The following CFAP251 variants were observed in gnomAD, a reference collection of about 807,000 sequenced individuals.
The protein encoded by CFAP251 is cilia and flagella associated protein 251.
Under a neutral mutation model 126.7 loss-of-function variants are expected in CFAP251, and 93 were observed. The ratio of observed to expected loss-of-function variants is 0.73; its 90% confidence interval spans 0.62 to 0.87. CFAP251 has a LOEUF of 0.87. Among genes scored for constraint, CFAP251 ranks in the 40% least tolerant of loss-of-function variants. The pLI is 0.00. For missense variants in CFAP251, 1,287 were observed against 1,389.2 expected, an observed-to-expected ratio of 0.93 and a Z score of 1.17; for synonymous variants, 503 against 506.9, an observed-to-expected ratio of 0.99 and a Z score of 0.10.
intron 6 of CFAP251, 83 bp from the exon 7 acceptor site, chr12:121,942,812 T>G: frequency 6.7e-7 from 1 of 1,492,268 alleles, no homozygotes; most frequent in African/African-American, 1.4e-5. Context: ...TACTTGAAGT[T>G]TTGGGGTCAC....
rs754568191 is a variant in CFAP251 at position 121,989,200 on chromosome 12, C to T, written c.3007-10516C>T. Reference sequence around the variant, plus strand: ...TCAGCTAGGACTGTCTCTTTCAGACCTTTGAAAACATTCACTGGGAAGGGA... The same window carrying T: ...TCAGCTAGGACTGTCTCTTTCAGACTTTTGAAAACATTCACTGGGAAGGGA... On this transcript the variant is annotated intron_variant, in intron 19 of 21. Coordinates refer to ENST00000288912, the MANE Select transcript of CFAP251 (RefSeq NM_144668.6). This position sits in a 1 kb window ranked among gnomAD's most constrained non-coding sequence, Gnocchi z 4.2. Among the ~76,000 whole-genome samples the T allele has an allele frequency of 3.3e-5, 5 of 152,176 alleles. No homozygotes were observed. Among genetic ancestry groups the T allele is most frequent in the African/African-American group, 4.8e-5 (2 of 41,420 alleles).
intron 5 of CFAP251, among the ~76,000 whole-genome samples, chr12:121,942,014 C>T (rs1296100048): frequency 6.6e-6 from 1 of 152,168 alleles, no homozygotes; most frequent in Non-Finnish European, 1.5e-5. Context: ...GTGCCTGGTA[C>T]CTAGTGAATG....
chr12:121,975,371 C>T (rs776262610), intron 18 of CFAP251, 37 bp downstream of exon 18: 18 of 1,597,944 alleles, frequency 1.1e-5, no homozygotes, highest in Non-Finnish European at 1.5e-5. Flanking sequence ...CTGGTAACAT[C>T]TAGTTAAGTT....
chr12:121,972,014 T>C (rs1198779950), intron 17 of CFAP251: 2 of 236,710 alleles, frequency 8.4e-6, no homozygotes, highest in Non-Finnish European at 1.7e-5. Flanking sequence ...CCGCCATGAT[T>C]GTGAGGCCTC....
intron 3 of CFAP251, among the ~76,000 whole-genome samples, chr12:121,924,765 C>T (rs144724065): frequency 8.5e-5 from 13 of 152,252 alleles, no homozygotes; most frequent in African/African-American, 2.9e-4. Context: ...TTAAGAGCTC[C>T]GACTGGAACA....
rs71082926 is a variant in CFAP251 at position 121,998,432 on chromosome 12, AATATATAT to A, written c.3007-1235_3007-1228del. 6.9e-3 allele frequency: 583 copies of A among 84,912 alleles called. 4 individuals carry two copies. The highest frequency in any genetic ancestry group is 8.4e-3 in the Non-Finnish European group (340 of 40,650). 5.3% of individuals were successfully genotyped at this position (84,912 alleles called of 1,614,324 possible). On this transcript the variant is annotated intron_variant, in intron 19 of 21. Transcript: ENST00000288912. ...TACCAGTTCTAATAGTTTTTAGTGT[AATATATAT>A]ATATATATATATATATATATATATA...
intron 17 of CFAP251, chr12:121,969,409 G>T: frequency 1.0e-6 from 1 of 985,340 alleles, no homozygotes; most frequent in South Asian, 4.7e-5. Flanking sequence ...TGGCTGCCTG[G>T]TTCCTTGCTC....
At chr12:121,948,651 T>C (rs1220383288) in intron 7 of CFAP251, 2 of 172,998 alleles carry the variant, frequency 1.2e-5, no homozygotes, top group African/African-American at 2.4e-5. Context: ...ACCCAGGAGA[T>C]AGAGGCTGCA....
chr12:122,003,630 GTTCTT>G lies in CFAP251; in HGVS notation c.3338-16_3338-12del. 1 of 1,582,192 alleles carries G rather than the reference GTTCTT, an allele frequency of 6.3e-7. No individual in the cohort carries two copies. The highest frequency in any genetic ancestry group is 8.7e-7 in the Non-Finnish European group (1 of 1,154,900). ...CATAATCATCATGAAGGCATTTGGT[GTTCTT>G]TTCTTGTTTTGGCTAGGTTCAGAAA... On this transcript the variant is annotated splice_polypyrimidine_tract_variant and intron_variant, in intron 21 of 21. Coordinates refer to ENST00000288912, the MANE Select transcript of CFAP251 (RefSeq NM_144668.6).
Position 121,942,934 on chromosome 12 carries a change from C to A in CFAP251, c.1150C>A (p.Pro384Thr), listed in dbSNP as rs1881182738. ...IWKWTLAVET[P>T]ACTLELPTEY... ...GAAGTGGACTTTGGCAGTGGAAACG[C>A]CAGCATGCACTCTCGAACTCCCCAC... is the stretch of plus-strand genomic sequence containing the variant. Residue 384 changes from proline to threonine, a missense_variant, in exon 7 of 22, where the codon CCA (proline) becomes ACA (threonine). Transcript: ENST00000288912. 1 of 1,614,202 alleles carries A rather than the reference C, an allele frequency of 6.2e-7. No homozygotes were observed. Among genetic ancestry groups the A allele is most frequent in the Non-Finnish European group, 8.5e-7 (1 of 1,180,040 alleles).
At chr12:121,919,785 A>T (rs925359461) in intron 1 of CFAP251, among the ~76,000 whole-genome samples, 1 of 152,164 alleles carries the variant, frequency 6.6e-6, no homozygotes, top group African/African-American at 2.4e-5. Flanking sequence ...TGGGAATATA[A>T]ATATATTTTA....
intron 5 of CFAP251, among the ~76,000 whole-genome samples, chr12:121,935,072 G>A (rs1880838670): frequency 6.6e-6 from 1 of 152,096 alleles, no homozygotes; most frequent in Non-Finnish European, 1.5e-5. Context: ...AAAGCACTGG[G>A]ATTATAGGCA....
chr12:121,939,955 G>A (rs979558248), intron 5 of CFAP251, among the ~76,000 whole-genome samples: 4 of 152,062 alleles, frequency 2.6e-5, no homozygotes, highest in South Asian at 2.1e-4. Flanking sequence ...GTTTCTTTAC[G>A]TTTTTTAGTA....
chr12:121,932,725 A>T (rs985412770), intron 4 of CFAP251: 1 of 152,246 alleles, frequency 6.6e-6, no homozygotes, highest in African/African-American at 2.4e-5. Flanking sequence ...CCCAGTCAGT[A>T]CTCAGTGTTG....
chr12:121,925,115 A>G (rs540183989), intron 3 of CFAP251, among the ~76,000 whole-genome samples: 1 of 151,778 alleles, frequency 6.6e-6, no homozygotes, highest in East Asian at 1.9e-4. Context: ...CTTTATCTTT[A>G]CATGACCCCA....
chr12:121,959,156 G>A, intron 13 of CFAP251, 62 bp downstream of exon 13: 1 of 1,487,608 alleles, frequency 6.7e-7, no homozygotes, highest in South Asian at 1.4e-5. Context: ...ACCAAAAGAG[G>A]CCAGACATAG....
rs867011409 is a variant in CFAP251, at chr12:121,954,088, C to T, written c.1321-32C>T. On this transcript the variant is annotated intron_variant, in intron 9 of 21. Coordinates refer to ENST00000288912, the MANE Select transcript of CFAP251 (RefSeq NM_144668.6). ...AAATGCTTTGTTTTATATTTATTAC[C>T]AACAGTAACTATAACCTTTCTTTTG... The T allele has an allele frequency of 1.0e-5, 16 of 1,557,000 alleles. 1 individual carries two copies. In the Middle Eastern group the frequency reaches 2.2e-3, roughly 213 times the overall value.
chr12:121,958,361 A>G lies in CFAP251; in HGVS notation c.1820A>G (p.Asp607Gly). The change falls in exon 12 of 22, where the codon GAT becomes GGT. Residue 607 changes from aspartate to glycine, a missense_variant. Coordinates refer to ENST00000288912, the MANE Select transcript of CFAP251 (RefSeq NM_144668.6). ...KLEKLFVEPKDAICAISCHPY... is the reference protein window; with the variant it reads ...KLEKLFVEPKGAICAISCHPY... ...GAGAAGTTATTTGTAGAGCCCAAGG[A>G]TGCCATTTGTGCCATCTCCTGCCAC... 6.2e-7 allele frequency: 1 copy of G among 1,614,246 alleles called. No individual in the cohort carries two copies. Among genetic ancestry groups the G allele is most frequent in the Non-Finnish European group, 8.5e-7 (1 of 1,180,050 alleles).
chr12:121,932,329 C>G (rs1184477711), intron 4 of CFAP251: 1 of 152,320 alleles, frequency 6.6e-6, no homozygotes, highest in Non-Finnish European at 1.5e-5. Context: ...AACTGAGGCT[C>G]AGAGTGTTTT....
Sources: allele counts gnomAD v4.1 joint callset (sites outside exome capture counted in the v4.1 genomes callset), GRCh38; gene constraint gnomAD v4.1.1; non-coding constraint Gnocchi (gnomAD v3.1); transcripts MANE v1.5; gene names NCBI Gene and HGNC (gene_info 2026-07-23, HGNC 2026-07-21).